Variants in PDE10A observed in about 807,000 individuals in gnomAD.
The protein encoded by PDE10A is phosphodiesterase 10A, also known as cAMP and cAMP-inhibited cGMP 3',5'-cyclic phosphodiesterase 10A.
In PDE10A, 39 loss-of-function variants were observed where a neutral mutation model predicts 97.7. The ratio of observed to expected loss-of-function variants is 0.40; its 90% CI spans 0.31 to 0.52. The LOEUF (loss-of-function observed/expected upper bound fraction) is 0.52, where lower values mean the gene tolerates loss of function less well. PDE10A is among the 20% of genes least tolerant of loss of function. The probability of loss-of-function intolerance (pLI) is 0.56; values close to 1 mark genes in which losing one functional copy is unlikely to be tolerated. For synonymous variants in PDE10A, 371 were observed against 376.8 expected (o/e 0.98, Z 0.18); for missense variants, 731 against 1,047.8 (o/e 0.70, Z 4.17).
At chr6:165,703,504 T>G (rs1052723927) in intron 1 of PDE10A, among the ~76,000 whole-genome samples, 2 of 152,246 alleles carry the variant, frequency 1.3e-5, no homozygotes, top group Non-Finnish European at 2.9e-5. Flanking sequence ...AGAAAAGTTA[T>G]GCACAGGAGA....
At chr6:165,602,804 G>T (rs753659913) in intron 1 of PDE10A, among the ~76,000 whole-genome samples, 21 of 152,034 alleles carry the variant, frequency 1.4e-4, no homozygotes, top group Admixed American at 3.3e-4. Flanking sequence ...TAGTTTATAA[G>T]AAGACGGCCA....
intron 1 of PDE10A, among the ~76,000 whole-genome samples, chr6:165,837,271 G>A (rs1780089958): frequency 6.6e-6 from 1 of 152,002 alleles, no homozygotes; most frequent in Non-Finnish European, 1.5e-5. Flanking sequence ...CTGTAAGAAA[G>A]AACAAGATTA....
chr6:165,513,449 T>A (rs1355672890), intron 2 of PDE10A, among the ~76,000 whole-genome samples: 6 of 152,128 alleles, frequency 3.9e-5, no homozygotes, highest in African/African-American at 9.7e-5. Flanking sequence ...TGTACAGTAA[T>A]TTTTGAATCA....
chr6:165,516,643 T>C (rs1781825011), intron 2 of PDE10A, among the ~76,000 whole-genome samples: 1 of 152,216 alleles, frequency 6.6e-6, no homozygotes, highest in Non-Finnish European at 1.5e-5. Flanking sequence ...TTTTCATAAA[T>C]GGATAAAAGA....
At chr6:165,578,491 T>A (rs2128352223) in intron 1 of PDE10A, among the ~76,000 whole-genome samples, 1 of 152,190 alleles carries the variant, frequency 6.6e-6, no homozygotes, top group Non-Finnish European at 1.5e-5. Context: ...TTTGATTAGT[T>A]CCTCACTGTT....
chr6:165,639,921 T>C (rs544847747), intron 1 of PDE10A, among the ~76,000 whole-genome samples: 1 of 151,826 alleles, frequency 6.6e-6, no homozygotes, highest in Non-Finnish European at 1.5e-5. Flanking sequence ...ATTTTAAAAA[T>C]GAGCCAGGTG....
intron 3 of PDE10A, among the ~76,000 whole-genome samples, chr6:165,451,627 T>G (rs992879566): frequency 6.6e-6 from 1 of 152,168 alleles, no homozygotes; most frequent in Non-Finnish European, 1.5e-5. Flanking sequence ...AACCTCCACT[T>G]CTAAAGGTCT....
At chr6:165,374,064 A>T (rs1347393577) in intron 18 of PDE10A, among the ~76,000 whole-genome samples, 2 of 117,174 alleles carry the variant, frequency 1.7e-5, no homozygotes, top group East Asian at 5.4e-4. Flanking sequence ...GAAACATCAC[A>T]CTCTGGGGAC....
intron 1 of PDE10A, among the ~76,000 whole-genome samples, chr6:165,614,007 C>T (rs960002704): frequency 2.6e-5 from 4 of 152,136 alleles, no homozygotes; most frequent in Admixed American, 1.3e-4. Context: ...CAGCCTGGGA[C>T]GCTGCCCTGC....
At chr6:165,855,698 G>T (rs1481605160) in intron 1 of PDE10A, among the ~76,000 whole-genome samples, 2 of 152,014 alleles carry the variant, frequency 1.3e-5, no homozygotes, top group Non-Finnish European at 2.9e-5. Flanking sequence ...TCCCTTAAGT[G>T]GTGGCCATGA....
intron 1 of PDE10A, among the ~76,000 whole-genome samples, chr6:165,845,607 G>C (rs1780394355): frequency 6.6e-6 from 1 of 152,164 alleles, no homozygotes; most frequent in South Asian, 2.1e-4. Context: ...AAACAGCTAC[G>C]GTCAGGCCAA....
intron 1 of PDE10A, among the ~76,000 whole-genome samples, chr6:165,611,838 ACT>A: frequency 6.6e-6 from 1 of 152,292 alleles, no homozygotes; most frequent in Non-Finnish European, 1.5e-5. Flanking sequence ...TTCAGAATCA[ACT>A]CTCTTATTCA....
At chr6:165,915,564 G>A (rs1487496259) in intron 1 of PDE10A, among the ~76,000 whole-genome samples, 1 of 152,180 alleles carries the variant, frequency 6.6e-6, no homozygotes, top group East Asian at 1.9e-4. Flanking sequence ...CCTGCTGGGA[G>A]TGGAGCTGGG....
chr6:165,371,836 C>A (rs1380155463), intron 18 of PDE10A, among the ~76,000 whole-genome samples: 1 of 152,096 alleles, frequency 6.6e-6, no homozygotes, highest in Non-Finnish European at 1.5e-5. Flanking sequence ...CAATAAAATA[C>A]TGGCAAACCA....
At chr6:165,386,843 A>G (rs896165661) in intron 17 of PDE10A, among the ~76,000 whole-genome samples, 22 of 126,334 alleles carry the variant, frequency 1.7e-4, no homozygotes, top group Admixed American at 8.2e-5. Context: ...TCTACTAAAA[A>G]AAAAAAAAAT....
intron 1 of PDE10A, among the ~76,000 whole-genome samples, chr6:165,861,672 G>C (rs1780909583): frequency 6.6e-6 from 1 of 152,016 alleles, no homozygotes; most frequent in Admixed American, 6.5e-5. Flanking sequence ...AAAGACCAGA[G>C]GGAGCAACTG....
intron 1 of PDE10A, among the ~76,000 whole-genome samples, chr6:165,756,117 A>G (rs1038274355): frequency 1.3e-5 from 2 of 152,232 alleles, no homozygotes; most frequent in African/African-American, 4.8e-5. Context: ...ATTAATTTGC[A>G]GAATTATTTC....
At chr6:165,392,528 T>A (rs967196491) in intron 16 of PDE10A, 118 bp downstream of exon 16, 1 of 939,950 alleles carries the variant, frequency 1.1e-6, no homozygotes, top group African/African-American at 1.6e-5. Context: ...ATTGATTTAT[T>A]AAGCCAAAAT....
chr6:165,748,559 G>T (rs1792894809), intron 1 of PDE10A, among the ~76,000 whole-genome samples: 1 of 152,182 alleles, frequency 6.6e-6, no homozygotes, highest in African/African-American at 2.4e-5. Flanking sequence ...TTAATGTCAA[G>T]GACATGATAT....
Sources: gnomAD v4.1 joint callset for allele counts (sites outside exome capture counted in the v4.1 genomes callset) on GRCh38, gnomAD v4.1.1 for gene constraint, MANE v1.5 for transcripts, NCBI Gene and HGNC (gene_info 2026-07-23, HGNC 2026-07-21) for gene names.